The following SYT16 variants were observed in gnomAD, a reference collection of about 807,000 sequenced individuals.
SYT16 encodes synaptotagmin-16.
Under a neutral mutation model 61.4 loss-of-function variants are expected in SYT16, and 42 were observed. The observed-to-expected ratio is 0.68, with a 90% CI of 0.53 to 0.89. The LOEUF (loss-of-function observed/expected upper bound fraction) is 0.89. SYT16 is among the 40% of genes least tolerant of loss of function. SYT16 has a pLI of 0.00. For missense variants in SYT16, 804 were observed against 807.3 expected, an observed-to-expected ratio of 1.00 and a Z score of 0.05; for synonymous variants, 314 against 302.3, an observed-to-expected ratio of 1.04 and a Z score of -0.40.
intron 1 of SYT16, among the ~76,000 whole-genome samples, chr14:61,925,968 G>A (rs985747425): frequency 6.6e-6 from 1 of 151,986 alleles, no homozygotes; most frequent in African/African-American, 2.4e-5. Flanking sequence ...CTCTGTGAAG[G>A]CAGAGACTTC....
intron 3 of SYT16, among the ~76,000 whole-genome samples, chr14:62,038,208 A>G (rs1230170470): frequency 6.7e-6 from 1 of 149,838 alleles, no homozygotes; most frequent in Non-Finnish European, 1.5e-5. Context: ...AGTGTGGTAT[A>G]TGGGTTGGAT....
chr14:61,940,289 G>A (rs1248640943), intron 1 of SYT16, among the ~76,000 whole-genome samples: 1 of 151,374 alleles, frequency 6.6e-6, no homozygotes, highest in Non-Finnish European at 1.5e-5. Flanking sequence ...ATGCTTAAAG[G>A]TCCTCATGTT....
intron 2 of SYT16, among the ~76,000 whole-genome samples, chr14:61,975,849 C>G (rs995079972): frequency 6.6e-6 from 1 of 152,134 alleles, no homozygotes. Flanking sequence ...CATTTCAAAC[C>G]AATAATGCCT....
chr14:62,062,301 G>T (rs2055860820), intron 3 of SYT16, among the ~76,000 whole-genome samples: 2 of 152,096 alleles, frequency 1.3e-5, no homozygotes, highest in Admixed American at 6.5e-5. Context: ...CTATTTGAGG[G>T]GGGGATGAGG....
chr14:61,925,499 A>C (rs1263466190), intron 1 of SYT16, among the ~76,000 whole-genome samples: 2 of 152,212 alleles, frequency 1.3e-5, no homozygotes, highest in Non-Finnish European at 1.5e-5. Context: ...AAATGTAGAA[A>C]ACAAATACTT....
At chr14:61,853,534 C>T (rs562539526) in intron 1 of SYT16, among the ~76,000 whole-genome samples, 1 of 152,248 alleles carries the variant, frequency 6.6e-6, no homozygotes, top group African/African-American at 2.4e-5. Context: ...AGGCCTTCTG[C>T]TATCTTCTTT....
rs369865544 is a variant in SYT16 at position 62,100,464 on chromosome 14, G to A, written c.1695G>A (p.Arg565=). The A allele has an allele frequency of 1.9e-6, 3 of 1,613,348 alleles. No homozygotes were observed. In the African/African-American group the frequency reaches 4.0e-5, roughly 22 times the overall value. The change falls in exon 8 of 8, where the codon CGG becomes CGA. Residue 565 remains arginine, a synonymous_variant. Transcript: ENST00000683842. ...QEMSRCKTSI[R]RGQPNPVYKE... is the part of the protein sequence containing the mutation. Reference sequence around the variant, plus strand: ...TGTCCCGTTGCAAGACGTCCATTCGGCGTGGTCAGCCCAATCCTGTCTATA... The same window carrying A: ...TGTCCCGTTGCAAGACGTCCATTCGACGTGGTCAGCCCAATCCTGTCTATA...
chr14:61,832,407 C>A, intron 1 of SYT16: 1 of 504,934 alleles, frequency 2.0e-6, no homozygotes, highest in South Asian at 1.5e-5. Context: ...CCCTCTATGC[C>A]CGGTGTCCCG....
At chr14:62,013,602 G>C (rs748913792) in intron 3 of SYT16, among the ~76,000 whole-genome samples, 1 of 152,096 alleles carries the variant, frequency 6.6e-6, no homozygotes, top group African/African-American at 2.4e-5. Flanking sequence ...CTCCTGAATG[G>C]TTTAGTAGCA....
rs181842342 is a variant in SYT16, at chr14:62,050,180, C to G, written c.524-19423C>G. On this transcript the variant is annotated intron_variant, in intron 3 of 7. Coordinates refer to ENST00000683842, the MANE Select transcript of SYT16 (RefSeq NM_001367656.1). ...GAGGCTTTGTTCGTTTCTTTTTATT[C>G]TTTTTTCTCTAAACTTCTCTTCTCG... Among the ~76,000 whole-genome samples, 55 of 152,236 alleles carry G rather than the reference C, an allele frequency of 3.6e-4. No individual in the cohort carries two copies. The East Asian group carries it at 6.4e-3, about 18-fold the overall frequency.
At chr14:61,978,226 A>G (rs1056578483) in intron 2 of SYT16, among the ~76,000 whole-genome samples, 1 of 152,202 alleles carries the variant, frequency 6.6e-6, no homozygotes, top group Non-Finnish European at 1.5e-5. Context: ...TCAGCCCACT[A>G]TAGCAGGAGA....
intron 3 of SYT16, among the ~76,000 whole-genome samples, chr14:62,035,625 G>T (rs368252258): frequency 6.6e-6 from 1 of 152,166 alleles, no homozygotes; most frequent in Non-Finnish European, 1.5e-5. Context: ...TTACCAATGG[G>T]TGTTGTTCCA....
intron 1 of SYT16, among the ~76,000 whole-genome samples, chr14:61,821,755 A>G (rs1463613792): frequency 2.6e-5 from 4 of 152,316 alleles, no homozygotes; most frequent in African/African-American, 7.2e-5. Flanking sequence ...TCTTAACTCA[A>G]AAGGAAGGGA....
At chr14:61,885,128 G>A (rs1594826926) in intron 1 of SYT16, among the ~76,000 whole-genome samples, 2 of 152,264 alleles carry the variant, frequency 1.3e-5, no homozygotes, top group Non-Finnish European at 2.9e-5. Flanking sequence ...GTCTAATACT[G>A]TGTAAACAGA....
chr14:61,895,383 C>T (rs1022116672), intron 1 of SYT16, among the ~76,000 whole-genome samples: 1 of 152,144 alleles, frequency 6.6e-6, no homozygotes, highest in East Asian at 1.9e-4. Context: ...GGTACCACTT[C>T]CTGCTTATGT....
chr14:61,979,726 A>G (rs934749869), intron 2 of SYT16, among the ~76,000 whole-genome samples: 10 of 152,148 alleles, frequency 6.6e-5, no homozygotes. Context: ...TACTAAAAAT[A>G]CAAAAATTAG....
intron 1 of SYT16, among the ~76,000 whole-genome samples, chr14:61,898,714 G>T (rs891749644): frequency 2.6e-5 from 4 of 152,184 alleles, no homozygotes; most frequent in Non-Finnish European, 4.4e-5. Context: ...AGCACAGGGG[G>T]ATGTGTGTTG....
intron 3 of SYT16, among the ~76,000 whole-genome samples, chr14:62,055,281 G>A (rs1439296650): frequency 6.6e-6 from 1 of 152,190 alleles, no homozygotes; most frequent in East Asian, 1.9e-4. Flanking sequence ...CTTATAGGAG[G>A]CATACAAATG....
intron 5 of SYT16, among the ~76,000 whole-genome samples, chr14:62,078,153 C>CTATATATATATATATATATA (rs1437217028): frequency 3.9e-5 from 4 of 101,716 alleles, no homozygotes; most frequent in African/African-American, 1.9e-4. Context: ...CTCTCTCTCT[C>CTATATATATATATATATATA]TCTATATATA....
Sources: allele counts gnomAD v4.1 joint callset (sites outside exome capture counted in the v4.1 genomes callset), GRCh38; gene constraint gnomAD v4.1.1; transcripts MANE v1.5; gene names NCBI Gene and HGNC (gene_info 2026-07-23, HGNC 2026-07-21).